The following PCSK5 variants were observed in gnomAD, a reference collection of about 807,000 sequenced individuals.
The protein encoded by PCSK5 is prohormone convertase 5.
In PCSK5, 129 loss-of-function variants were observed where a neutral mutation model predicts 233.2. The ratio of observed to expected loss-of-function variants is 0.55; its 90% CI spans 0.48 to 0.64. The LOEUF (loss-of-function observed/expected upper bound fraction) is 0.64. Ranked by LOEUF, PCSK5 falls within the 30% of genes least tolerant of loss-of-function variation. The probability of loss-of-function intolerance (pLI) is 0.00; values close to 1 mark genes in which losing one functional copy is unlikely to be tolerated. For missense variants in PCSK5, 2,076 were observed against 2,430.1 expected, an observed-to-expected ratio of 0.85 and a Z score of 3.06; for synonymous variants, 825 against 879.2, an observed-to-expected ratio of 0.94 and a Z score of 1.09.
At chr9:76,199,884 G>A (rs75897502) in intron 20 of PCSK5, among the ~76,000 whole-genome samples, 7,171 of 151,944 alleles carry the variant, frequency 0.047, 236 homozygotes, top group South Asian at 0.087. Context: ...AAATTAACAC[G>A]TCCAAAATAG....
At chr9:76,033,301 T>C (rs1828723310) in intron 5 of PCSK5, among the ~76,000 whole-genome samples, 1 of 152,222 alleles carries the variant, frequency 6.6e-6, no homozygotes, top group South Asian at 2.1e-4. Context: ...AAACATTTTT[T>C]CTTTGTACCA....
intron 35 of PCSK5, among the ~76,000 whole-genome samples, chr9:76,345,182 ATTATTTTATTTTATT>A (rs59974258): frequency 0.12 from 18,050 of 150,824 alleles, 1,212 homozygotes; most frequent in East Asian, 0.2. Context: ...ATTTTATTTT[ATTATTTTATTTTATT>A]TTATTTTATT....
chr9:75,998,740 G>C (rs897933103), intron 3 of PCSK5, among the ~76,000 whole-genome samples: 1 of 152,032 alleles, frequency 6.6e-6, no homozygotes, highest in African/African-American at 2.4e-5. Context: ...GAACATCCAC[G>C]TCTCCATTAC....
chr9:75,904,292 C>G (rs1421580622), intron 1 of PCSK5, among the ~76,000 whole-genome samples: 2 of 152,092 alleles, frequency 1.3e-5, no homozygotes. Flanking sequence ...AAGATTAATT[C>G]TATTCATTGT....
chr9:76,342,816 C>G (rs541104992), intron 35 of PCSK5, among the ~76,000 whole-genome samples: 2 of 152,274 alleles, frequency 1.3e-5, no homozygotes, highest in African/African-American at 4.8e-5. Context: ...ATGGCCCCAC[C>G]ATTCACCCAG....
At chr9:75,977,566 T>C (rs1052442901) in intron 2 of PCSK5, among the ~76,000 whole-genome samples, 1 of 148,836 alleles carries the variant, frequency 6.7e-6, no homozygotes, top group African/African-American at 2.5e-5. Flanking sequence ...ACAGGTAAGG[T>C]GGAGGAAATG....
rs77274372 is a variant in PCSK5, at chr9:76,259,052, G to A, written c.3142+18368G>A. On this transcript the variant is annotated intron_variant, in intron 24 of 37. Coordinates refer to ENST00000674117, the MANE Select transcript of PCSK5 (RefSeq NM_001372043.1). ...ATTAACAAACACCTCATATGATGGC[G>A]CATGATGCTTTTACTCTGCCAAGAA... Among the ~76,000 whole-genome samples the A allele has an allele frequency of 4.7e-3, 715 of 152,288 alleles. 19 individuals carry two copies. The highest frequency in any genetic ancestry group is 0.038 in the Admixed American group (580 of 15,290).
At chr9:76,003,263 G>A (rs1312500017) in intron 3 of PCSK5, among the ~76,000 whole-genome samples, 1 of 152,314 alleles carries the variant, frequency 6.6e-6, no homozygotes. Flanking sequence ...AGAAGAGACA[G>A]CTGGCAGGCT....
In PCSK5 at chr9:75,983,067, C is replaced by A. The variant is rs149056273; in HGVS notation, c.298-3065C>A. Among the ~76,000 whole-genome samples, 545 of 152,114 alleles carry A rather than the reference C, an allele frequency of 3.6e-3. 3 individuals are homozygous for A. The highest frequency in any genetic ancestry group is 0.013 in the African/African-American group (528 of 41,520). On this transcript the variant is annotated intron_variant, in intron 2 of 37. Transcript: ENST00000674117. ...TTTAGAATAATACCATTATCATATA[C>A]TGTATTCTTACATGTTTTGGGTCAA...
In PCSK5 at chr9:76,175,309, A is replaced by C. The variant is rs773584220; in HGVS notation, c.1900+180A>C. 9.5e-5 allele frequency: 58 copies of C among 607,466 alleles called. No homozygotes were observed. The East Asian group carries it at 1.4e-3, about 15-fold the overall frequency. 37.6% of individuals were successfully genotyped at this position (607,466 alleles called of 1,614,324 possible). On this transcript the variant is annotated intron_variant, in intron 14 of 37. Coordinates refer to ENST00000674117, the MANE Select transcript of PCSK5 (RefSeq NM_001372043.1). ...ATCGAATCGAATAGAATAGAATAGA[A>C]TAGAACAGAACAGAATAGAATAGAA...
chr9:76,231,805 G>A (rs1826095352), intron 21 of PCSK5, among the ~76,000 whole-genome samples: 1 of 152,162 alleles, frequency 6.6e-6, no homozygotes, highest in South Asian at 2.1e-4. Flanking sequence ...GTTTTGACAT[G>A]GACAGCCAGA....
chr9:76,145,177 C>G (rs1823396558), intron 10 of PCSK5, among the ~76,000 whole-genome samples: 1 of 152,128 alleles, frequency 6.6e-6, no homozygotes, highest in Non-Finnish European at 1.5e-5. Flanking sequence ...TCTTTATCAC[C>G]AGCTCTCTAA....
rs2131483460 is a variant in PCSK5 at position 76,332,487 on chromosome 9, A to G, written c.4625A>G (p.Asn1542Ser). 6.2e-7 allele frequency: 1 copy of G among 1,612,700 alleles called. No homozygotes were observed. Among genetic ancestry groups the G allele is most frequent in the Middle Eastern group, 1.6e-4 (1 of 6,062 alleles). The part of the protein sequence containing the change: ...PEGYYADEDS[N>S]RCAHCHSSCR... ...GGCTATTATGCCGATGAGGACAGCA[A>G]CCGGTGTGCCCACTGCCACAGCTCT... The change falls in exon 34 of 38, where the codon AAC (asparagine) becomes AGC (serine). Residue 1542 changes from asparagine (N) to serine (S), a missense_variant. Asn to Ser is a conservative substitution (Grantham distance 46). Coordinates refer to ENST00000674117, the MANE Select transcript of PCSK5 (RefSeq NM_001372043.1).
rs1826402703 is a variant in PCSK5, at chr9:76,240,649, T to C, written c.3107T>C (p.Val1036Ala). ...EVQDPDYEEC[V>A]PCEEGCLGCS... ...CAAGACCCAGACTATGAAGAATGTG[T>C]CCCTTGTGAAGAAGGATGTCTGGGA... Residue 1036 changes from valine to alanine, a missense_variant, in exon 24 of 38, where the codon GTC (valine) becomes GCC (alanine). Coordinates refer to ENST00000674117, the MANE Select transcript of PCSK5 (RefSeq NM_001372043.1). 1.3e-6 allele frequency: 2 copies of C among 1,581,862 alleles called. No homozygotes were observed. Among genetic ancestry groups the C allele is most frequent in the Non-Finnish European group, 1.7e-6 (2 of 1,162,368 alleles).
chr9:76,190,059 T>G (rs1032613036), intron 20 of PCSK5, among the ~76,000 whole-genome samples: 1 of 152,160 alleles, frequency 6.6e-6, no homozygotes, highest in Non-Finnish European at 1.5e-5. Flanking sequence ...AAATTTCCCA[T>G]ATACCCCGTT....
intron 13 of PCSK5, 52 bp downstream of exon 13, chr9:76,169,892 A>T: frequency 6.6e-7 from 1 of 1,525,034 alleles, no homozygotes. Context: ...AAAATGATGG[A>T]GTATATTTTG....
rs1255153550 is a variant in PCSK5 at position 75,950,569 on chromosome 9, A to G, written c.297+18086A>G. Reference sequence around the variant, plus strand: ...TAAAGAAAAGAATTTTCAACCAAGAATTTCATATCCAGCCAAACTAAGCTT... The same window carrying G: ...TAAAGAAAAGAATTTTCAACCAAGAGTTTCATATCCAGCCAAACTAAGCTT... On this transcript the variant is annotated intron_variant, in intron 2 of 37. Coordinates refer to ENST00000674117, the MANE Select transcript of PCSK5 (RefSeq NM_001372043.1). Among the ~76,000 whole-genome samples the G allele has an allele frequency of 5.3e-5, 8 of 152,322 alleles. No individual in the cohort carries two copies. The East Asian group carries it at 1.2e-3, about 22-fold the overall frequency.
intron 5 of PCSK5, among the ~76,000 whole-genome samples, chr9:76,028,081 G>C (rs375922933): frequency 2.6e-5 from 4 of 152,288 alleles, no homozygotes; most frequent in African/African-American, 9.6e-5. Flanking sequence ...CAAAATAACT[G>C]TAGAAACATG....
At chr9:76,166,190 G>C (rs1339259573) in intron 12 of PCSK5, among the ~76,000 whole-genome samples, 1 of 152,064 alleles carries the variant, frequency 6.6e-6, no homozygotes, top group Non-Finnish European at 1.5e-5. Flanking sequence ...AAAATGTGAT[G>C]GTTGTGTTTG....
Sources: gnomAD v4.1 joint callset for allele counts (sites outside exome capture counted in the v4.1 genomes callset) on GRCh38, gnomAD v4.1.1 for gene constraint, MANE v1.5 for transcripts, NCBI Gene and HGNC (gene_info 2026-07-23, HGNC 2026-07-21) for gene names.